Variants in MAML3 observed in about 807,000 individuals in gnomAD.
MAML3 encodes the protein mastermind-like protein 3.
Under a neutral mutation model 101.9 loss-of-function variants are expected in MAML3, and 27 were observed. That is an observed-to-expected ratio of 0.27 (90% CI 0.20 to 0.37). MAML3 has a LOEUF of 0.37. Ranked by LOEUF, MAML3 falls within the 10% of genes least tolerant of loss-of-function variation. The probability of loss-of-function intolerance (pLI) is 1.00; values close to 1 mark genes in which losing one functional copy is unlikely to be tolerated. For missense variants in MAML3, 1,316 were observed against 1,444.9 expected (o/e 0.91, Z 1.45); for synonymous variants, 501 against 555.9 (o/e 0.90, Z 1.39).
intron 1 of MAML3, among the ~76,000 whole-genome samples, chr4:140,031,180 T>C (rs1034382494): frequency 3.3e-5 from 5 of 152,148 alleles, no homozygotes; most frequent in African/African-American, 1.2e-4. Context: ...CAGGCACAAA[T>C]AGATTAACAA....
intron 1 of MAML3, among the ~76,000 whole-genome samples, chr4:140,002,604 C>T (rs748160790): frequency 2.6e-5 from 4 of 152,168 alleles, no homozygotes; most frequent in Admixed American, 6.5e-5. Flanking sequence ...GCCTTATAAT[C>T]GGAAGATCTA....
chr4:140,122,665 G>A (rs957151042), intron 1 of MAML3, among the ~76,000 whole-genome samples: 2 of 150,696 alleles, frequency 1.3e-5, no homozygotes, highest in South Asian at 2.1e-4. Flanking sequence ...AGTGGCGGGC[G>A]CCTGTAGTCC....
chr4:139,855,244 G>C (rs1272543347), intron 2 of MAML3, among the ~76,000 whole-genome samples: 3 of 152,160 alleles, frequency 2.0e-5, no homozygotes. Flanking sequence ...GCTACGTGCT[G>C]GTGTATAATA....
intron 1 of MAML3, among the ~76,000 whole-genome samples, chr4:139,945,148 C>T (rs558232972): frequency 6.6e-6 from 1 of 152,216 alleles, no homozygotes; most frequent in African/African-American, 2.4e-5. Flanking sequence ...GGTCTGTTGA[C>T]TCTCCCAGCC....
chr4:140,083,895 G>A (rs1276432427), intron 1 of MAML3, among the ~76,000 whole-genome samples: 4 of 148,166 alleles, frequency 2.7e-5, no homozygotes, highest in Non-Finnish European at 5.9e-5. Context: ...AAAGCCCAAC[G>A]GCAAAAGAAA....
intron 1 of MAML3, among the ~76,000 whole-genome samples, chr4:140,057,231 G>A (rs117679811): frequency 6.6e-6 from 1 of 152,272 alleles, no homozygotes; most frequent in East Asian, 1.9e-4. Context: ...AGCTATGATA[G>A]CATTCCAGCT....
intron 1 of MAML3, among the ~76,000 whole-genome samples, chr4:140,131,319 T>C (rs1260202955): frequency 6.6e-6 from 1 of 152,196 alleles, no homozygotes; most frequent in African/African-American, 2.4e-5. Flanking sequence ...TCCTAAAAGA[T>C]GAAGTGACTT....
chr4:139,942,484 C>A (rs1281473709), intron 1 of MAML3, among the ~76,000 whole-genome samples: 1 of 152,192 alleles, frequency 6.6e-6, no homozygotes, highest in African/African-American at 2.4e-5. Flanking sequence ...TCCAGAGGAA[C>A]TGGAGCAGAC....
rs1247811974 is a variant in MAML3, at chr4:139,718,489, C to G, written c.*834G>C. On this transcript the variant is annotated 3_prime_UTR_variant, in exon 5 of 5. Coordinates refer to ENST00000509479, the MANE Select transcript of MAML3 (RefSeq NM_018717.5). The stretch of plus-strand genomic sequence containing the variant: ...GTCCAGTAGGGGTTTCCCTGCCCTG[C>G]GGCCGCCAGAAGTAGATGTGACCCA... 6.6e-6 allele frequency: 1 copy of G among 152,248 alleles called. No homozygotes were observed. Among genetic ancestry groups the G allele is most frequent in the Admixed American group, 6.5e-5 (1 of 15,282 alleles). The allele number at this position is 152,248 out of a possible 1,614,324, so 9.4% of individuals were successfully genotyped here. A position where few individuals can be genotyped will look rare whatever the true frequency, so the allele number is the denominator to read the frequency against.
chr4:139,778,779 C>T (rs1218463840), intron 2 of MAML3, among the ~76,000 whole-genome samples: 7 of 151,778 alleles, frequency 4.6e-5, no homozygotes, highest in African/African-American at 1.7e-4. Flanking sequence ...GGTCAAGAGA[C>T]GGAGACCATC....
intron 1 of MAML3, among the ~76,000 whole-genome samples, chr4:140,114,506 T>C (rs1463113369): frequency 1.3e-5 from 2 of 152,266 alleles, no homozygotes; most frequent in Non-Finnish European, 2.9e-5. Flanking sequence ...TGCATATAAT[T>C]GCAGTGCAAT....
intron 1 of MAML3, among the ~76,000 whole-genome samples, chr4:140,028,545 G>T (rs1220310198): frequency 6.6e-6 from 1 of 151,686 alleles, no homozygotes; most frequent in African/African-American, 2.4e-5. Flanking sequence ...ATTAACACTG[G>T]CTAACACATC....
At chr4:140,009,887 A>G (rs1726518996) in intron 1 of MAML3, among the ~76,000 whole-genome samples, 1 of 152,202 alleles carries the variant, frequency 6.6e-6, no homozygotes, top group South Asian at 2.1e-4. Context: ...TCTTCTCATA[A>G]TATCATTAAT....
In MAML3 at chr4:139,824,885, C is replaced by T. The variant is rs28488504; in HGVS notation, c.2079+64472G>A. Among the ~76,000 whole-genome samples, 557 of 152,080 alleles carry T rather than the reference C, an allele frequency of 3.7e-3. 1 individual carries two copies. Among genetic ancestry groups the T allele is most frequent in the Middle Eastern group, 0.017 (5 of 294 alleles). The stretch of plus-strand genomic sequence containing the variant: ...TATACCCCCTCCATCCCAACCAGGC[C>T]TCTATTTTTCAGTTCTTGCAGTACC... On this transcript the variant is annotated intron_variant, in intron 2 of 4. Transcript: ENST00000509479.
At chr4:140,059,901 T>C (rs1255946718) in intron 1 of MAML3, among the ~76,000 whole-genome samples, 1 of 152,220 alleles carries the variant, frequency 6.6e-6, no homozygotes, top group East Asian at 1.9e-4. Flanking sequence ...CAAAAATGTT[T>C]TTCTCCAACA....
At chr4:140,120,046 G>C (rs1458174982) in intron 1 of MAML3, among the ~76,000 whole-genome samples, 1 of 151,888 alleles carries the variant, frequency 6.6e-6, no homozygotes. Context: ...GACCATCCTG[G>C]CTAACACGGT....
At chr4:139,722,702 A>G (rs1728284379) in intron 4 of MAML3, among the ~76,000 whole-genome samples, 1 of 152,204 alleles carries the variant, frequency 6.6e-6, no homozygotes, top group Admixed American at 6.5e-5. Context: ...CCAGAACCTA[A>G]TGAGGGAAAG....
At chr4:139,863,814 G>A (rs1360536320) in intron 2 of MAML3, among the ~76,000 whole-genome samples, 2 of 140,806 alleles carry the variant, frequency 1.4e-5, no homozygotes, top group African/African-American at 5.2e-5. Context: ...CACTTTCTGT[G>A]GTAATACCAG....
chr4:139,725,600 G>A, intron 4 of MAML3, 151 bp downstream of exon 4: 1 of 762,684 alleles, frequency 1.3e-6, no homozygotes, highest in Non-Finnish European at 2.3e-6. Context: ...AATCCATTCT[G>A]ATTGGTTAGT....
Sources: allele counts gnomAD v4.1 joint callset (sites outside exome capture counted in the v4.1 genomes callset), GRCh38; gene constraint gnomAD v4.1.1; transcripts MANE v1.5; gene names NCBI Gene and HGNC (gene_info 2026-07-23, HGNC 2026-07-21).